The following MS4A6E variants were observed in gnomAD, a reference collection of about 807,000 sequenced individuals.
The protein encoded by MS4A6E is membrane-spanning 4-domains subfamily A member 6E.
In MS4A6E, 8 loss-of-function variants were observed where a neutral mutation model predicts 13.2. The ratio of observed to expected loss-of-function variants is 0.60; its 90% CI spans 0.35 to 1.09. The LOEUF is 1.09. Among genes scored for constraint, MS4A6E ranks in the 50% least tolerant of loss-of-function variants. The pLI, the probability that MS4A6E is intolerant of heterozygous loss-of-function variation, is 0.02. For missense variants in MS4A6E, 177 were observed against 171.1 expected, an observed-to-expected ratio of 1.03 and a Z score of -0.19; for synonymous variants, 72 against 67.6, an observed-to-expected ratio of 1.06 and a Z score of -0.32.
intron 4 of MS4A6E, 132 bp downstream of exon 4, chr11:60,340,096 T>C: frequency 1.5e-6 from 2 of 1,357,990 alleles, no homozygotes; most frequent in South Asian, 1.3e-5. Context: ...GTCATTTAAA[T>C]GGTGATGGAA....
At chr11:60,345,971 TC>T (rs1216171036), downstream of MS4A6E, among the ~76,000 whole-genome samples, 7 of 152,152 alleles carry the variant, frequency 4.6e-5, no homozygotes, top group African/African-American at 1.7e-4. Context: ...GGCTCTGTTG[TC>T]CAGAAGGAGG....
At chr11:60,339,819 C>T in intron 3 of MS4A6E, 47 bp from the exon 4 acceptor site, 1 of 1,557,104 alleles carries the variant, frequency 6.4e-7, no homozygotes. Context: ...GGCATGAAAG[C>T]TTCGGCTGAC....
chr11:60,342,204 G>GAA (rs1262363349), downstream of MS4A6E, among the ~76,000 whole-genome samples: 8 of 98,196 alleles, frequency 8.1e-5, no homozygotes, highest in African/African-American at 3.5e-4. Flanking sequence ...AGAGAGAGGG[G>GAA]GGGGGAGAGA....
chr11:60,337,192 G>A (rs2085193128), intron 2 of MS4A6E, among the ~76,000 whole-genome samples: 1 of 152,176 alleles, frequency 6.6e-6, no homozygotes, highest in Admixed American at 6.5e-5. Context: ...ATCTTTGAGA[G>A]GTGTGCTTTT....
rs370875384 is a variant in MS4A6E, at chr11:60,334,858, C to A, written c.-14-24C>A. The A allele has an allele frequency of 5.0e-6, 8 of 1,610,802 alleles. No individual in the cohort carries two copies. In the African/African-American group the frequency reaches 1.1e-4, roughly 22 times the overall value. ...CTTGGGAGCTCTGTACTTTTAAGAG[C>A]TAAATCTATTTTTTCTTCCGTAGTT... On this transcript the variant is annotated intron_variant, in intron 1 of 4. Transcript: ENST00000684409.
chr11:60,327,521 G>A (rs774519377), intron 1 of MS4A6E, among the ~76,000 whole-genome samples, 113 bp downstream of exon 1: 5 of 152,110 alleles, frequency 3.3e-5, no homozygotes, highest in Admixed American at 1.3e-4. Flanking sequence ...CTGCTGTATC[G>A]AACACCTAAA....
At chr11:60,337,411 G>T (rs905381542) in intron 2 of MS4A6E, among the ~76,000 whole-genome samples, 3 of 152,122 alleles carry the variant, frequency 2.0e-5, no homozygotes, top group Non-Finnish European at 4.4e-5. Flanking sequence ...ACCTTTGCTT[G>T]TGGTCACACT....
intron 4 of MS4A6E, among the ~76,000 whole-genome samples, chr11:60,340,265 G>C (rs1269915826): frequency 2.0e-5 from 3 of 152,208 alleles, no homozygotes; most frequent in Non-Finnish European, 4.4e-5. Flanking sequence ...CTGGCATTAT[G>C]ATATGAGTCT....
intron 2 of MS4A6E, among the ~76,000 whole-genome samples, chr11:60,336,126 T>C (rs987269929): frequency 6.6e-6 from 1 of 152,190 alleles, no homozygotes; most frequent in Non-Finnish European, 1.5e-5. Flanking sequence ...GAGATTATTG[T>C]TTGGAACCCT....
downstream of MS4A6E, among the ~76,000 whole-genome samples, chr11:60,344,791 T>C (rs1021113776): frequency 6.6e-6 from 1 of 152,228 alleles, no homozygotes; most frequent in African/African-American, 2.4e-5. Context: ...CCTATTTCCT[T>C]CAGCTACTTC....
intron 2 of MS4A6E, 145 bp from the exon 3 acceptor site, chr11:60,337,596 T>G (rs2085195331): frequency 1.1e-6 from 1 of 936,700 alleles, no homozygotes; most frequent in South Asian, 1.7e-5. Flanking sequence ...GGCTGGACAC[T>G]GGAGAGGCCT....
At chr11:60,342,705 C>T (rs1424276605), downstream of MS4A6E, among the ~76,000 whole-genome samples, 1 of 152,206 alleles carries the variant, frequency 6.6e-6, no homozygotes, top group East Asian at 1.9e-4. Context: ...AGGGAACCTC[C>T]ATGCTTAATA....
intron 1 of MS4A6E, among the ~76,000 whole-genome samples, chr11:60,332,862 A>G (rs1353155869): frequency 6.6e-6 from 1 of 152,252 alleles, no homozygotes; most frequent in Admixed American, 6.5e-5. Flanking sequence ...ATAAGATTTT[A>G]TCTTGTTAAA....
chr11:60,328,465 T>C (rs11230268), intron 1 of MS4A6E, among the ~76,000 whole-genome samples: 52,810 of 151,688 alleles, frequency 0.35, 9,824 homozygotes, highest in East Asian at 0.41. Flanking sequence ...GGGGCTCCCA[T>C]TCCCATTACA....
At chr11:60,344,069 A>C (rs1331702963), downstream of MS4A6E, among the ~76,000 whole-genome samples, 1 of 152,184 alleles carries the variant, frequency 6.6e-6, no homozygotes, top group African/African-American at 2.4e-5. Context: ...TGAGCCAGAG[A>C]GGTTACATGC....
intron 1 of MS4A6E, among the ~76,000 whole-genome samples, chr11:60,331,740 A>C (rs1269267539): frequency 1.3e-5 from 2 of 152,188 alleles, no homozygotes; most frequent in Non-Finnish European, 2.9e-5. Flanking sequence ...CGAAATTCAT[A>C]TGTTAAAATT....
At chr11:60,329,140 C>T (rs1236132984) in intron 1 of MS4A6E, among the ~76,000 whole-genome samples, 3 of 151,994 alleles carry the variant, frequency 2.0e-5, no homozygotes, top group Non-Finnish European at 4.4e-5. Context: ...CTATCCCTCC[C>T]CTTGCCCCCC....
intron 1 of MS4A6E, among the ~76,000 whole-genome samples, chr11:60,334,308 A>T (rs541943249): frequency 6.6e-6 from 1 of 152,190 alleles, no homozygotes; most frequent in African/African-American, 2.4e-5. Flanking sequence ...AGCCCATAAA[A>T]AGCTTGAAGG....
intron 3 of MS4A6E, 130 bp downstream of exon 3, chr11:60,338,077 G>A (rs1056618646): frequency 1.1e-5 from 9 of 799,580 alleles, no homozygotes; most frequent in Non-Finnish European, 9.8e-6. Context: ...CCAAGGTTAT[G>A]TAAATCAAAG....
Sources: gnomAD v4.1 joint callset for allele counts (sites outside exome capture counted in the v4.1 genomes callset) on GRCh38, gnomAD v4.1.1 for gene constraint, MANE v1.5 for transcripts, NCBI Gene and HGNC (gene_info 2026-07-23, HGNC 2026-07-21) for gene names.